Variants in FRAS1 observed in about 807,000 individuals in gnomAD.
FRAS1 encodes Fraser extracellular matrix complex subunit 1.
FRAS1 carries 290 observed loss-of-function variants against 435.2 expected under a neutral mutation model. The observed-to-expected ratio is 0.67, with a 90% CI of 0.61 to 0.73. The LOEUF is 0.73. Among genes scored for constraint, FRAS1 ranks in the 30% least tolerant of loss-of-function variants. FRAS1 has a pLI of 0.00. For missense variants in FRAS1, 4,860 were observed against 5,001.5 expected (o/e 0.97, Z 0.85); for synonymous variants, 1,800 against 1,851.0 (o/e 0.97, Z 0.71).
chr4:78,501,594 C>T (rs1056894057), intron 61 of FRAS1, among the ~76,000 whole-genome samples: 4 of 152,150 alleles, frequency 2.6e-5, no homozygotes, highest in African/African-American at 7.2e-5. Flanking sequence ...AGCATAAAAG[C>T]GGTCCTATTT....
intron 9 of FRAS1, among the ~76,000 whole-genome samples, chr4:78,275,068 A>G (rs1726924858): frequency 6.6e-6 from 1 of 151,962 alleles, no homozygotes; most frequent in Non-Finnish European, 1.5e-5. Context: ...CCATTATGTA[A>G]TGGCCTTCTT....
intron 5 of FRAS1, among the ~76,000 whole-genome samples, chr4:78,254,998 A>G (rs1725723813): frequency 6.6e-6 from 1 of 152,152 alleles, no homozygotes; most frequent in East Asian, 1.9e-4. Context: ...CTGGTAGCTG[A>G]GAACTCATCC....
chr4:78,304,225 A>T (rs1295977160), intron 14 of FRAS1, among the ~76,000 whole-genome samples: 1 of 151,988 alleles, frequency 6.6e-6, no homozygotes, highest in Non-Finnish European at 1.5e-5. Context: ...CATGGTGGAT[A>T]ACCTTTTTGA....
chr4:78,317,239 C>T, intron 16 of FRAS1, 129 bp from the exon 17 acceptor site: 2 of 1,030,688 alleles, frequency 1.9e-6, no homozygotes, highest in Non-Finnish European at 1.5e-6. Flanking sequence ...CCTCCTAACA[C>T]ATTTTCCCCT....
At chr4:78,098,234 T>G (rs1384533587) in intron 2 of FRAS1, among the ~76,000 whole-genome samples, 1 of 152,030 alleles carries the variant, frequency 6.6e-6, no homozygotes, top group African/African-American at 2.4e-5. Context: ...GGGTTCCCAC[T>G]GTGACCCTCC....
At chr4:78,356,604 T>C (rs1334930590) in intron 20 of FRAS1, among the ~76,000 whole-genome samples, 2 of 152,110 alleles carry the variant, frequency 1.3e-5, no homozygotes, top group Admixed American at 6.5e-5. Context: ...TTGAGAACAA[T>C]TCAGCAGAGG....
chr4:78,420,046 C>T (rs1278828377), intron 33 of FRAS1, among the ~76,000 whole-genome samples: 1 of 152,114 alleles, frequency 6.6e-6, no homozygotes, highest in Admixed American at 6.5e-5. Context: ...GGTGGGGACA[C>T]AGATCCAAAT....
chr4:78,465,645 G>T (rs547934583), intron 49 of FRAS1, among the ~76,000 whole-genome samples: 80 of 152,360 alleles, frequency 5.3e-4, no homozygotes, highest in African/African-American at 1.8e-3. Flanking sequence ...GAACAGGCAG[G>T]AGAAAAGAAT....
chr4:78,391,011 G>A (rs778709178), intron 29 of FRAS1, among the ~76,000 whole-genome samples: 9 of 152,240 alleles, frequency 5.9e-5, no homozygotes, highest in Non-Finnish European at 1.0e-4. Flanking sequence ...AGAGCACATC[G>A]TAGGAGTTCA....
At chr4:78,491,534 C>G (rs1483366064) in intron 59 of FRAS1, among the ~76,000 whole-genome samples, 2 of 152,182 alleles carry the variant, frequency 1.3e-5, no homozygotes, top group African/African-American at 4.8e-5. Flanking sequence ...ATCACATAAA[C>G]AGAACCAATG....
chr4:78,464,313 C>A (rs946051783), intron 48 of FRAS1, 130 bp from the exon 49 acceptor site: 7 of 1,387,378 alleles, frequency 5.0e-6, no homozygotes, highest in Non-Finnish European at 6.9e-6. Context: ...CAAGAGGACT[C>A]ACTCTGGGGC....
At chr4:78,438,304 G>A (rs1262463721) in intron 38 of FRAS1, among the ~76,000 whole-genome samples, 1 of 152,098 alleles carries the variant, frequency 6.6e-6, no homozygotes, top group Non-Finnish European at 1.5e-5. Context: ...GAATCTCTTT[G>A]TTTTATGCCA....
At chr4:78,275,144 T>C (rs898089697) in intron 9 of FRAS1, among the ~76,000 whole-genome samples, 4 of 152,188 alleles carry the variant, frequency 2.6e-5, no homozygotes, top group African/African-American at 9.7e-5. Context: ...AACCTCTGCC[T>C]TTTTTTGTTT....
intron 38 of FRAS1, among the ~76,000 whole-genome samples, chr4:78,434,665 G>GA: frequency 6.6e-6 from 1 of 151,572 alleles, no homozygotes; most frequent in East Asian, 1.9e-4. Flanking sequence ...AAAAGTATTA[G>GA]AAAAAAAGGA....
Position 78,375,834 on chromosome 4 carries a change from T to G in FRAS1, c.3247T>G (p.Cys1083Gly), listed in dbSNP as rs1410384340. 6.2e-7 allele frequency: 1 copy of G among 1,613,884 alleles called. No homozygotes were observed. The highest frequency in any genetic ancestry group is 1.7e-5 in the Admixed American group (1 of 59,992). ...GAAGAGTGGCCTCTGTGTTTACAACTGTGTTCCTGGCTTTTCTGTCCACAC... is the reference window on the plus strand; with the variant it reads ...GAAGAGTGGCCTCTGTGTTTACAACGGTGTTCCTGGCTTTTCTGTCCACAC... ...FLKSGLCVYNCVPGFSVHTSN... is the reference protein window; with the variant it reads ...FLKSGLCVYNGVPGFSVHTSN... Residue 1083 changes from cysteine to glycine, a missense_variant, in exon 26 of 74, where the codon TGT becomes GGT. Physicochemically the swap from Cys to Gly is radical, Grantham distance 159. Coordinates refer to ENST00000512123, the MANE Select transcript of FRAS1 (RefSeq NM_025074.7).
chr4:78,214,975 C>T (rs557846547), intron 2 of FRAS1, among the ~76,000 whole-genome samples: 1 of 152,208 alleles, frequency 6.6e-6, no homozygotes, highest in East Asian at 1.9e-4. Context: ...AGGTGTCTTT[C>T]CCCCGATCTC....
At position 78,452,222 on chromosome 4, in the gene FRAS1, G is replaced by A. The variant is rs531961323; in HGVS notation, c.6631G>A (p.Asp2211Asn). The change falls in exon 47 of 74, where the codon GAT becomes AAT. Residue 2211 changes from aspartate to asparagine, a missense_variant. Physicochemically the swap from Asp to Asn is conservative, Grantham distance 23 (BLOSUM62 1). Transcript: ENST00000512123. ...VITTNKGLVL[D>N]ENSVKKITTL... ...CACCACCAATAAAGGACTGGTCTTG[G>A]ATGAAAACTCAGTGAAGAAAATCAC... 1.2e-6 allele frequency: 2 copies of A among 1,613,812 alleles called. No individual in the cohort carries two copies. The highest frequency in any genetic ancestry group is 2.2e-5 in the East Asian group (1 of 44,884).
intron 9 of FRAS1, among the ~76,000 whole-genome samples, chr4:78,270,751 A>G (rs558987718): frequency 1.1e-4 from 16 of 152,146 alleles, no homozygotes; most frequent in Non-Finnish European, 1.8e-4. Context: ...CAACTCTTTT[A>G]TATGCTTTGA....
chr4:78,520,606 CTA>C (rs1721356811), intron 67 of FRAS1, among the ~76,000 whole-genome samples: 1 of 142,494 alleles, frequency 7.0e-6, no homozygotes, highest in African/African-American at 2.5e-5. Flanking sequence ...TAAATCATCT[CTA>C]GATTATTTAT....
Sources: allele counts gnomAD v4.1 joint callset (sites outside exome capture counted in the v4.1 genomes callset), GRCh38; gene constraint gnomAD v4.1.1; transcripts MANE v1.5; gene names NCBI Gene and HGNC (gene_info 2026-07-23, HGNC 2026-07-21).